GRIP1: variants seen among roughly 807,000 people sequenced by gnomAD.
The protein encoded by GRIP1 is glutamate receptor-interacting protein 1.
GRIP1 carries 45 observed loss-of-function variants against 129.9 expected under a neutral mutation model. The ratio of observed to expected loss-of-function variants is 0.35; its 90% CI spans 0.27 to 0.44. GRIP1 has a LOEUF of 0.44. GRIP1 is among the 20% of genes least tolerant of loss of function. The pLI is 1.00. For missense variants in GRIP1, 1,196 were observed against 1,396.8 expected (o/e 0.86, Z 2.29); for synonymous variants, 530 against 520.8 (o/e 1.02, Z -0.24).
chr12:66,633,229 ATGAG>A (rs936199304), intron 1 of GRIP1, among the ~76,000 whole-genome samples: 2 of 147,430 alleles, frequency 1.4e-5, no homozygotes, highest in Admixed American at 6.8e-5. Flanking sequence ...ATATATATAT[ATGAG>A]TATTTTATAT....
chr12:66,647,371 A>G (rs1288724624), intron 1 of GRIP1: 1 of 152,244 alleles, frequency 6.6e-6, no homozygotes, highest in African/African-American at 2.4e-5. Context: ...AGAATGTTAC[A>G]TTATACGACA....
At chr12:66,617,286 GA>G (rs63275262) in intron 1 of GRIP1, among the ~76,000 whole-genome samples, 8,556 of 103,990 alleles carry the variant, frequency 0.082, 352 homozygotes, top group East Asian at 0.13. Context: ...CAGCCAACAA[GA>G]AAAAAAAAAA....
At chr12:66,546,242 C>T (rs7971986) in intron 2 of GRIP1, among the ~76,000 whole-genome samples, 103,006 of 151,908 alleles carry the variant, frequency 0.68, 35,433 homozygotes, top group African/African-American at 0.8. Context: ...ATAATTCCAG[C>T]ACTTTGAGAG....
At chr12:66,536,902 G>C (rs995084174) in intron 4 of GRIP1, among the ~76,000 whole-genome samples, 3 of 152,102 alleles carry the variant, frequency 2.0e-5, no homozygotes, top group Non-Finnish European at 2.9e-5. Flanking sequence ...GTATGGAAGA[G>C]CAAAAAGCTA....
chr12:66,969,620 T>C (rs2042044555), intron 1 of GRIP1, among the ~76,000 whole-genome samples: 1 of 152,116 alleles, frequency 6.6e-6, no homozygotes, highest in African/African-American at 2.4e-5. Context: ...TCTCACTATG[T>C]TGCCCAGGCT....
At chr12:66,991,229 C>T (rs2042390317) in intron 1 of GRIP1, among the ~76,000 whole-genome samples, 1 of 152,068 alleles carries the variant, frequency 6.6e-6, no homozygotes, top group Non-Finnish European at 1.5e-5. Context: ...GCCGAGATCA[C>T]GCCACTGCAC....
At chr12:66,976,477 G>T (rs1466865467) in intron 1 of GRIP1, among the ~76,000 whole-genome samples, 2 of 152,034 alleles carry the variant, frequency 1.3e-5, no homozygotes, top group African/African-American at 2.4e-5. Context: ...CACTTATCTT[G>T]TACATATATT....
chr12:66,918,459 C>T (rs1316995800), intron 1 of GRIP1, among the ~76,000 whole-genome samples: 1 of 152,112 alleles, frequency 6.6e-6, no homozygotes, highest in Non-Finnish European at 1.5e-5. Context: ...TAATGTGTGA[C>T]CAGATATCTC....
intron 1 of GRIP1, among the ~76,000 whole-genome samples, chr12:66,672,967 T>C (rs1015247921): frequency 2.6e-5 from 4 of 152,156 alleles, no homozygotes; most frequent in Admixed American, 6.5e-5. Context: ...CTAGGAAAGG[T>C]TGACATATCT....
intron 1 of GRIP1, among the ~76,000 whole-genome samples, chr12:66,845,685 A>G (rs2039801210): frequency 6.6e-6 from 1 of 152,138 alleles, no homozygotes; most frequent in Non-Finnish European, 1.5e-5. Context: ...ATAATGTTGG[A>G]CTAATCTTTT....
At chr12:66,529,566 C>T (rs898131356) in intron 5 of GRIP1, among the ~76,000 whole-genome samples, 4 of 151,944 alleles carry the variant, frequency 2.6e-5, no homozygotes, top group South Asian at 2.1e-4. Context: ...TGTTCTCACT[C>T]GTAAGTAGGA....
At chr12:67,045,931 A>G (rs1252031136) in intron 1 of GRIP1, among the ~76,000 whole-genome samples, 2 of 152,204 alleles carry the variant, frequency 1.3e-5, no homozygotes, top group Non-Finnish European at 2.9e-5. Context: ...GAGAAGGCGG[A>G]TTCCTTAGAA....
chr12:66,728,032 T>C (rs2036311072), intron 1 of GRIP1, among the ~76,000 whole-genome samples: 1 of 152,326 alleles, frequency 6.6e-6, no homozygotes, highest in Non-Finnish European at 1.5e-5. Flanking sequence ...TAAGTGTTGA[T>C]AGAATTTTAT....
chr12:66,672,915 TTTTG>T (rs750871124), intron 1 of GRIP1, among the ~76,000 whole-genome samples: 118 of 152,140 alleles, frequency 7.8e-4, no homozygotes, highest in Non-Finnish European at 1.4e-3. Flanking sequence ...AATTCAGTTT[TTTTG>T]TTTGTTTGTT....
At chr12:66,937,380 G>A (rs1448126945) in intron 1 of GRIP1, among the ~76,000 whole-genome samples, 2 of 152,208 alleles carry the variant, frequency 1.3e-5, no homozygotes, top group African/African-American at 4.8e-5. Flanking sequence ...ATGAGAGCAA[G>A]GGTCTGTGTT....
rs367636639 is a variant in GRIP1, at chr12:66,625,444, T to C, written c.56-28517A>G. On this transcript the variant is annotated intron_variant, in intron 1 of 24. Coordinates refer to ENST00000359742, the MANE Select transcript of GRIP1 (RefSeq NM_001366722.1). ...TCTGAGAATTTACAGTGCTTTAAGTTACATCAATTTTTAAAGGGACTCAAT... is the reference window on the plus strand; with the variant it reads ...TCTGAGAATTTACAGTGCTTTAAGTCACATCAATTTTTAAAGGGACTCAAT... Among the ~76,000 whole-genome samples the C allele has an allele frequency of 2.8e-4, 43 of 152,318 alleles. 1 individual carries two copies. Among genetic ancestry groups the C allele is most frequent in the African/African-American group, 9.6e-4 (40 of 41,582 alleles).
intron 1 of GRIP1, among the ~76,000 whole-genome samples, chr12:66,747,564 GC>G (rs1367029539): frequency 6.6e-6 from 1 of 152,082 alleles, no homozygotes; most frequent in African/African-American, 2.4e-5. Context: ...TTTATTTCAG[GC>G]CAACAGGGAA....
At chr12:66,569,005 G>C (rs1039573095) in intron 2 of GRIP1, 1 of 473,306 alleles carries the variant, frequency 2.1e-6, no homozygotes, top group Non-Finnish European at 4.2e-6. Flanking sequence ...AATTCTATCT[G>C]CGTGCTTCTC....
chr12:66,556,197 C>T (rs1447280972), intron 2 of GRIP1, among the ~76,000 whole-genome samples: 1 of 151,996 alleles, frequency 6.6e-6, no homozygotes, highest in African/African-American at 2.4e-5. Flanking sequence ...AAACAAATAA[C>T]ATAGAATGGA....
Sources: allele counts gnomAD v4.1 joint callset (sites outside exome capture counted in the v4.1 genomes callset), GRCh38; gene constraint gnomAD v4.1.1; transcripts MANE v1.5; gene names NCBI Gene and HGNC (gene_info 2026-07-23, HGNC 2026-07-21).